The following CELSR1 variants were observed in gnomAD, a reference collection of about 807,000 sequenced individuals.
CELSR1 encodes the protein adhesion G protein-coupled receptor C1.
A neutral mutation model predicts 249.1 loss-of-function variants in CELSR1; 110 were observed. The ratio of observed to expected loss-of-function variants is 0.44; its 90% CI spans 0.38 to 0.52. The LOEUF (loss-of-function observed/expected upper bound fraction) is 0.52. Ranked by LOEUF, CELSR1 falls within the 20% of genes least tolerant of loss-of-function variation. The pLI is 0.00. For missense variants in CELSR1, 4,109 were observed against 4,296.4 expected (o/e 0.96, Z 1.22); for synonymous variants, 2,113 against 1,900.0 (o/e 1.11, Z -2.92).
At chr22:46,501,828 A>C (rs2080469208) in intron 1 of CELSR1, among the ~76,000 whole-genome samples, 1 of 152,222 alleles carries the variant, frequency 6.6e-6, no homozygotes, top group African/African-American at 2.4e-5. Flanking sequence ...CCGCTGGCAC[A>C]GTCATGGGCT....
At chr22:46,373,175 C>T (rs944362973) in intron 24 of CELSR1, 118 bp from the exon 25 acceptor site, 6 of 1,099,828 alleles carry the variant, frequency 5.5e-6, no homozygotes, top group Non-Finnish European at 7.5e-6. Flanking sequence ...ATGTGTCTGT[C>T]CTCAGCTGAG....
intron 1 of CELSR1, among the ~76,000 whole-genome samples, chr22:46,511,090 G>A (rs1213307932): frequency 2.0e-5 from 3 of 150,814 alleles, no homozygotes; most frequent in Non-Finnish European, 4.4e-5. Flanking sequence ...CTCCAGCCTG[G>A]ATGACAGATC....
chr22:46,444,118 G>A (rs957448448), intron 2 of CELSR1, among the ~76,000 whole-genome samples: 4 of 152,206 alleles, frequency 2.6e-5, no homozygotes, highest in Non-Finnish European at 5.9e-5. Flanking sequence ...GGAAAGTGAG[G>A]CCCAGGCCCA....
chr22:46,480,152 C>T (rs1295866047), intron 1 of CELSR1, among the ~76,000 whole-genome samples: 1 of 152,218 alleles, frequency 6.6e-6, no homozygotes, highest in Non-Finnish European at 1.5e-5. Flanking sequence ...CAAAGTGTTA[C>T]TGCAAGATTG....
At chr22:46,474,537 T>A (rs755693741) in intron 1 of CELSR1, among the ~76,000 whole-genome samples, 12 of 152,196 alleles carry the variant, frequency 7.9e-5, no homozygotes, top group Non-Finnish European at 1.5e-4. Flanking sequence ...ATAAGTGTAT[T>A]TAATATATCC....
rs1320771721 is a variant in CELSR1 at position 46,506,753 on chromosome 22, C to T, written c.3544+26874G>A. On this transcript the variant is annotated intron_variant, in intron 1 of 34. Transcript: ENST00000674500. The surrounding 1 kb of genome is among the most constrained non-coding windows in gnomAD (Gnocchi z 4.1). ...ATTTTAAGATCTCTGTGCCACCATCCAAATGTGGACAGATGCTGAGATCTC... is the reference window on the plus strand; with the variant it reads ...ATTTTAAGATCTCTGTGCCACCATCTAAATGTGGACAGATGCTGAGATCTC... Among the ~76,000 whole-genome samples, 2 of 152,184 alleles carry T rather than the reference C, an allele frequency of 1.3e-5. No homozygotes were observed. Among genetic ancestry groups the T allele is most frequent in the South Asian group, 2.1e-4 (1 of 4,822 alleles).
intron 1 of CELSR1, chr22:46,481,391 G>A (rs2080264822): frequency 1.9e-6 from 2 of 1,077,884 alleles, no homozygotes; most frequent in Admixed American, 1.8e-5. Context: ...AGGTGCATGT[G>A]GTCATCCACA....
At position 46,464,564 on chromosome 22, in the gene CELSR1, C is replaced by T. The variant is rs548496977; in HGVS notation, c.3545-219G>A. Among the ~76,000 whole-genome samples, 4 of 152,162 alleles carry T rather than the reference C, an allele frequency of 2.6e-5. No homozygotes were observed. Among genetic ancestry groups the T allele is most frequent in the South Asian group, 2.1e-4 (1 of 4,800 alleles). On this transcript the variant is annotated intron_variant, in intron 1 of 34. Coordinates refer to ENST00000674500, the MANE Select transcript of CELSR1 (RefSeq NM_001378328.1). This position sits in a 1 kb window ranked among gnomAD's most constrained non-coding sequence, Gnocchi z 8.5. ...ACCACCACCTTGACCCTCCCTCCTC[C>T]GGCACCCTAACCCCTGCCCTGGCTT...
rs1178338774 is a variant in CELSR1, at chr22:46,441,907, G to C, written c.4184-2496C>G. Among the ~76,000 whole-genome samples the C allele has an allele frequency of 6.6e-6, 1 of 152,196 alleles. No individual in the cohort carries two copies. The highest frequency in any genetic ancestry group is 1.5e-5 in the Non-Finnish European group (1 of 68,016). On this transcript the variant is annotated intron_variant, in intron 2 of 34. Transcript: ENST00000674500. This position sits in a 1 kb window ranked among gnomAD's most constrained non-coding sequence, Gnocchi z 6.1. ...CTCACGCCTGTAACCCCAGCACTTG[G>C]GGAGGCTGAGGCGGGTAGATTACCA...
At chr22:46,377,488 C>T (rs559730568) in intron 23 of CELSR1, 34 of 569,200 alleles carry the variant, frequency 6.0e-5, no homozygotes, top group South Asian at 2.0e-4. Flanking sequence ...TGCGGCAGCA[C>T]GCCAGGCTCC....
intron 1 of CELSR1, among the ~76,000 whole-genome samples, chr22:46,487,314 G>C (rs2080322176): frequency 6.6e-6 from 1 of 151,190 alleles, no homozygotes; most frequent in Non-Finnish European, 1.5e-5. Context: ...AAAACTATTT[G>C]GTATAATATC....
intron 2 of CELSR1, among the ~76,000 whole-genome samples, chr22:46,458,514 G>A (rs2079982998): frequency 6.6e-6 from 1 of 152,236 alleles, no homozygotes; most frequent in South Asian, 2.1e-4. Flanking sequence ...GCAAGAGGCT[G>A]AACGTGGGGC....
intron 18 of CELSR1, among the ~76,000 whole-genome samples, chr22:46,387,372 T>C (rs1182631731): frequency 1.4e-5 from 2 of 144,180 alleles, no homozygotes; most frequent in African/African-American, 5.9e-5. Flanking sequence ...GAAGTCTTTT[T>C]GTTTGTTTGT....
intron 1 of CELSR1, among the ~76,000 whole-genome samples, chr22:46,505,921 G>A (rs1041238804): frequency 6.6e-6 from 1 of 152,126 alleles, no homozygotes; most frequent in African/African-American, 2.4e-5. Flanking sequence ...GCTCATGCCT[G>A]TAATCCCAGC....
intron 1 of CELSR1, among the ~76,000 whole-genome samples, chr22:46,474,628 ATAT>A (rs907230731): frequency 6.6e-6 from 1 of 152,146 alleles, no homozygotes; most frequent in African/African-American, 2.4e-5. Flanking sequence ...ATACAATACA[ATAT>A]TATTAACCAT....
intron 1 of CELSR1, among the ~76,000 whole-genome samples, chr22:46,510,264 A>C (rs536363124): frequency 7.6e-4 from 115 of 152,266 alleles, no homozygotes; most frequent in Middle Eastern, 6.8e-3. Flanking sequence ...CAGGAAAGGA[A>C]ATATCTAGTT....
rs114439458 is a variant in CELSR1, at chr22:46,500,892, C to T, written c.3544+32735G>A. Among the ~76,000 whole-genome samples the T allele has an allele frequency of 1.8e-3, 281 of 152,204 alleles. 3 individuals are homozygous for T. Among genetic ancestry groups the T allele is most frequent in the African/African-American group, 6.3e-3 (262 of 41,534 alleles). On this transcript the variant is annotated intron_variant, in intron 1 of 34. Coordinates refer to ENST00000674500, the MANE Select transcript of CELSR1 (RefSeq NM_001378328.1). The surrounding 1 kb of genome is among the most constrained non-coding windows in gnomAD (Gnocchi z 4.9). ...TTGTAAGCACGCCCATGATGGGACC[C>T]GAAAATCAGCCCATTTACATGCCAA...
intron 24 of CELSR1, among the ~76,000 whole-genome samples, chr22:46,373,650 T>TGGGGAGATGGGGGAGAAA (rs2078882878): frequency 1.6e-5 from 1 of 60,654 alleles, no homozygotes; most frequent in African/African-American, 8.3e-5. Context: ...AATGGGAGAA[T>TGGGGAGATGGGGGAGAAA]GGGGAGATGG....
At chr22:46,382,145 G>C (rs891487551) in intron 20 of CELSR1, 95 bp from the exon 21 acceptor site, 14 of 1,167,954 alleles carry the variant, frequency 1.2e-5, no homozygotes, top group East Asian at 2.6e-5. Context: ...AAAACCAACA[G>C]ATGTCCCACA....
Sources: gnomAD v4.1 joint callset for allele counts (sites outside exome capture counted in the v4.1 genomes callset) on GRCh38, gnomAD v4.1.1 for gene constraint, Gnocchi (gnomAD v3.1) non-coding constraint, MANE v1.5 for transcripts, NCBI Gene and HGNC (gene_info 2026-07-23, HGNC 2026-07-21) for gene names.